The following ARL4C variants were observed in gnomAD, a reference collection of about 807,000 sequenced individuals.
The protein encoded by ARL4C is ADP-ribosylation factor-like protein 4C.
A neutral mutation model predicts 12.8 loss-of-function variants in ARL4C; 5 were observed. The observed-to-expected ratio is 0.39, with a 90% confidence interval of 0.20 to 0.82. The LOEUF is 0.82. ARL4C is among the 40% of genes least tolerant of loss of function. The probability of loss-of-function intolerance (pLI) is 0.39; values close to 1 mark genes in which losing one functional copy is unlikely to be tolerated. For synonymous variants in ARL4C, 119 were observed against 119.4 expected, an observed-to-expected ratio of 1.00 and a Z score of 0.02; for missense variants, 148 against 265.2, an observed-to-expected ratio of 0.56 and a Z score of 3.07.
rs886364388 is a variant in ARL4C, at chr2:234,494,162, G to A, written c.*1644C>T. The A allele has an allele frequency of 2.6e-5, 4 of 152,636 alleles. No homozygotes were observed. The highest frequency in any genetic ancestry group is 4.4e-5 in the Non-Finnish European group (3 of 68,036). 9.5% of individuals were successfully genotyped at this position (152,636 alleles called of 1,614,324 possible). A position where few individuals can be genotyped will look rare whatever the true frequency, so the allele number is the denominator to read the frequency against. On this transcript the variant is annotated 3_prime_UTR_variant, in exon 2 of 2. Transcript: ENST00000339728. Reference sequence around the variant, plus strand: ...CTACAGGCCTCCTTTGTAAAGAAATGTGTAACAATGGGGGGAAAGTCATAA... The same window carrying A: ...CTACAGGCCTCCTTTGTAAAGAAATATGTAACAATGGGGGGAAAGTCATAA...
chr2:234,493,313 G>T lies in ARL4C; in HGVS notation c.*2493C>A, dbSNP rs1371855389. 6.6e-6 allele frequency: 1 copy of T among 152,258 alleles called. No homozygotes were observed. Among genetic ancestry groups the T allele is most frequent in the Admixed American group, 6.5e-5 (1 of 15,288 alleles). 9.4% of individuals were successfully genotyped at this position (152,258 alleles called of 1,614,324 possible). On this transcript the variant is annotated 3_prime_UTR_variant, in exon 2 of 2. Transcript: ENST00000339728. ...ATGGGAAACCCATTCACTCGCCAAA[G>T]GGCAGAAGGCATCATAAATCACCCA...
chr2:234,494,319 G>A lies in ARL4C; in HGVS notation c.*1487C>T, dbSNP rs1691744673. 6.6e-6 allele frequency: 1 copy of A among 152,596 alleles called. No individual in the cohort carries two copies. The highest frequency in any genetic ancestry group is 2.1e-4 in the South Asian group (1 of 4,826). 9.5% of individuals were successfully genotyped at this position (152,596 alleles called of 1,614,324 possible). ...CCAAGACTCAGTCCTGATTATAAAG[G>A]ATTTTTAAAATTACATTATTAAAAA... On this transcript the variant is annotated 3_prime_UTR_variant, in exon 2 of 2. Transcript: ENST00000339728.
rs926242657 is a variant in ARL4C, at chr2:234,496,323, G to C, written c.264C>G (p.Gly88=). Residue 88 remains glycine (G), a synonymous_variant, in exon 1 of 2, where the codon GGC becomes GGG. Transcript: ENST00000339728. Reference sequence around the variant, plus strand: ...CCACCGAGTCCACCACGTAGATGATGCCGTCCGTGCAGCGGCTGTAGGACT... The same window carrying C: ...CCACCGAGTCCACCACGTAGATGATCCCGTCCGTGCAGCGGCTGTAGGACT... ...LWKSYSRCTD[G]IIYVVDSVDV... is the part of the protein sequence containing the mutation. 1.9e-6 allele frequency: 3 copies of C among 1,613,060 alleles called. No individual in the cohort carries two copies. The African/African-American group carries it at 4.0e-5, about 22-fold the overall frequency.
Position 234,495,174 on chromosome 2 carries a change from CTCTT to C in ARL4C, c.*628_*631del, listed in dbSNP as rs1008046562. On this transcript the variant is annotated 3_prime_UTR_variant, in exon 2 of 2. Transcript: ENST00000339728. Reference sequence around the variant, plus strand: ...TTTTATTTTTTTTATTTTTATTGGTCTCTTTGTGTGATAATGACCTACACATGGA... The same window carrying C: ...TTTTATTTTTTTTATTTTTATTGGTCTGTGTGATAATGACCTACACATGGA... The C allele has an allele frequency of 6.7e-6, 1 of 150,070 alleles. No individual in the cohort carries two copies. The highest frequency in any genetic ancestry group is 2.5e-5 in the African/African-American group (1 of 40,640). The allele number at this position is 150,070 out of a possible 1,614,324, so 9.3% of individuals were successfully genotyped here.
In ARL4C at chr2:234,495,695, C is replaced by A. The variant is rs918915911; in HGVS notation, c.*111G>T. ...GGGCTGGGAGGGCGGACAGCAGGACCGGCTCTTCCACTCCCCACCGCGGCC... is the reference window on the plus strand; with the variant it reads ...GGGCTGGGAGGGCGGACAGCAGGACAGGCTCTTCCACTCCCCACCGCGGCC... On this transcript the variant is annotated 3_prime_UTR_variant, in exon 2 of 2. Coordinates refer to ENST00000339728, the MANE Select transcript of ARL4C (RefSeq NM_001282431.2). The A allele has an allele frequency of 1.0e-5, 14 of 1,375,146 alleles. No individual in the cohort carries two copies. Among genetic ancestry groups the A allele is most frequent in the Admixed American group, 1.7e-5 (1 of 58,802 alleles). The allele number at this position is 1,375,146 out of a possible 1,614,324, so 85.2% of individuals were successfully genotyped here. A position where few individuals can be genotyped will look rare whatever the true frequency, so the allele number is the denominator to read the frequency against.
At position 234,496,485 on chromosome 2, in the gene ARL4C, C is replaced by T. The variant is rs1242923834; in HGVS notation, c.102G>A (p.Lys34=). Residue 34 remains lysine, a synonymous_variant, in exon 1 of 2, where the codon AAG becomes AAA. Coordinates refer to ENST00000339728, the MANE Select transcript of ARL4C (RefSeq NM_001282431.2). ...GCACCGTGTTCACGAACTCGTTGAA[C>T]TTGAGCCGGTAGAGCACCGTGGTCT... ...AGKTTVLYRL[K]FNEFVNTVPT... is the part of the protein sequence containing the mutation. The T allele has an allele frequency of 4.3e-6, 7 of 1,613,916 alleles. No homozygotes were observed. Among genetic ancestry groups the T allele is most frequent in the African/African-American group, 1.3e-5 (1 of 75,034 alleles).
In ARL4C at chr2:234,494,063, G is replaced by A. The variant is rs72975515; in HGVS notation, c.*1743C>T. The A allele has an allele frequency of 0.027, 4,109 of 152,438 alleles. 69 individuals carry two copies. Among genetic ancestry groups the A allele is most frequent in the Non-Finnish European group, 0.041 (2,795 of 68,010 alleles). The allele number at this position is 152,438 out of a possible 1,614,324, so 9.4% of individuals were successfully genotyped here. A position where few individuals can be genotyped will look rare whatever the true frequency, so the allele number is the denominator to read the frequency against. ...GCCTCTGGTTCTTAAATTAACATTC[G>A]GTGTGTAATGGACAATAGGCAGGGA... On this transcript the variant is annotated 3_prime_UTR_variant, in exon 2 of 2. Coordinates refer to ENST00000339728, the MANE Select transcript of ARL4C (RefSeq NM_001282431.2).
chr2:234,493,480 T>C lies in ARL4C; in HGVS notation c.*2326A>G, dbSNP rs1691733127. ...GAAATCAACTGAGACTCTTAACTAG[T>C]AGTTGATACACCACAGGGCTTTACT... On this transcript the variant is annotated 3_prime_UTR_variant, in exon 2 of 2. Transcript: ENST00000339728. 1 of 152,488 alleles carries C rather than the reference T, an allele frequency of 6.6e-6. No homozygotes were observed. Among genetic ancestry groups the C allele is most frequent in the Admixed American group, 6.5e-5 (1 of 15,282 alleles). 9.4% of individuals were successfully genotyped at this position (152,488 alleles called of 1,614,324 possible). A position where few individuals can be genotyped will look rare whatever the true frequency, so the allele number is the denominator to read the frequency against.
chr2:234,495,593 G>A lies in ARL4C; in HGVS notation c.*213C>T. The stretch of plus-strand genomic sequence containing the variant: ...CAGGTGCGATCCCCCAGTGGAGGCG[G>A]GGCAGCCTGAACTTCTGGCCCTGCA... On this transcript the variant is annotated 3_prime_UTR_variant, in exon 2 of 2. Transcript: ENST00000339728. 1.6e-6 allele frequency: 1 copy of A among 638,902 alleles called. No individual in the cohort carries two copies. The highest frequency in any genetic ancestry group is 2.7e-6 in the Non-Finnish European group (1 of 367,096). The allele number at this position is 638,902 out of a possible 1,614,324, so 39.6% of individuals were successfully genotyped here. A position where few individuals can be genotyped will look rare whatever the true frequency, so the allele number is the denominator to read the frequency against.
At position 234,495,943 on chromosome 2, in the gene ARL4C, A is replaced by T. The variant is rs949105807; in HGVS notation, c.575+69T>A. 3 of 1,608,432 alleles carry T rather than the reference A, an allele frequency of 1.9e-6. 1 individual carries two copies. ...GCTCATCCATCCATCCATCCATCCA[A>T]CCATCCATCCATCCATTCATTCTTT... On this transcript the variant is annotated intron_variant, in intron 1 of 1. Transcript: ENST00000339728.
rs1384722600 is a variant in ARL4C, at chr2:234,494,680, T to C, written c.*1126A>G. The stretch of plus-strand genomic sequence containing the variant: ...AAGACTTAAACCAGATAGGCCACAA[T>C]GAACCAAATTAGAAATCTGAACATG... On this transcript the variant is annotated 3_prime_UTR_variant, in exon 2 of 2. Transcript: ENST00000339728. 2.0e-5 allele frequency: 3 copies of C among 152,204 alleles called. No individual in the cohort carries two copies. The highest frequency in any genetic ancestry group is 1.9e-4 in the East Asian group (1 of 5,200). The allele number at this position is 152,204 out of a possible 1,614,324, so 9.4% of individuals were successfully genotyped here. A position where few individuals can be genotyped will look rare whatever the true frequency, so the allele number is the denominator to read the frequency against.
intron 1 of ARL4C, 65 bp from the exon 2 acceptor site, chr2:234,495,901 C>T (rs1574657022): frequency 1.2e-6 from 2 of 1,604,220 alleles, no homozygotes; most frequent in East Asian, 2.2e-5. Flanking sequence ...GCTCTTTGTT[C>T]GCGGGCGCGG....
Position 234,496,181 on chromosome 2 carries a change from G to T in ARL4C, c.406C>A (p.Pro136Thr). The T allele has an allele frequency of 6.2e-7, 1 of 1,610,816 alleles. No individual in the cohort carries two copies. The highest frequency in any genetic ancestry group is 1.7e-5 in the Admixed American group (1 of 59,634). ...AGCTGCTTCTCAATCTCTGCCACCG[G>T]CAGCGACTTGGGCAGGTCCTGCTTG... The part of the protein sequence containing the change: ...ANKQDLPKSL[P>T]VAEIEKQLAL... Residue 136 changes from proline (P) to threonine (T), a missense_variant, in exon 1 of 2, where the codon CCG becomes ACG. Physicochemically the swap from Pro to Thr is conservative, Grantham distance 38. Around this residue, in one of 4 missense-constraint regions of ARL4C, gnomAD observed 42 missense variants for 87.4 expected, o/e 0.48. Coordinates refer to ENST00000339728, the MANE Select transcript of ARL4C (RefSeq NM_001282431.2).
At position 234,496,146 on chromosome 2, in the gene ARL4C, G is replaced by C; in HGVS notation, c.441C>G (p.His147Gln). The C allele has an allele frequency of 1.2e-6, 2 of 1,613,590 alleles. No homozygotes were observed. The highest frequency in any genetic ancestry group is 8.5e-7 in the Non-Finnish European group (1 of 1,179,894). ...VAEIEKQLAL[H>Q]ELIPATTYHV... ...GATAGGTGGTGGCCGGGATAAGCTC[G>C]TGCAGCGCCAGCTGCTTCTCAATCT... Residue 147 changes from histidine (H) to glutamine (Q), a missense_variant, in exon 1 of 2, where the codon CAC (histidine) becomes CAG (glutamine). His to Gln is a conservative substitution (Grantham distance 24). Around this residue, in one of 4 missense-constraint regions of ARL4C, gnomAD observed 42 missense variants for 87.4 expected, o/e 0.48. Transcript: ENST00000339728.
In ARL4C at chr2:234,493,149, A is replaced by T. The variant is rs1490915745; in HGVS notation, c.*2657T>A. On this transcript the variant is annotated 3_prime_UTR_variant, in exon 2 of 2. Coordinates refer to ENST00000339728, the MANE Select transcript of ARL4C (RefSeq NM_001282431.2). ...GAGACAGAGAATTACAGCAGTAGAA[A>T]GGAAAACAGAAACCAGGGCACACAG... The T allele has an allele frequency of 1.3e-5, 2 of 152,704 alleles. No individual in the cohort carries two copies. The highest frequency in any genetic ancestry group is 4.8e-5 in the African/African-American group (2 of 41,480). 9.5% of individuals were successfully genotyped at this position (152,704 alleles called of 1,614,324 possible). A position where few individuals can be genotyped will look rare whatever the true frequency, so the allele number is the denominator to read the frequency against.
chr2:234,496,129 G>A lies in ARL4C; in HGVS notation c.458C>T (p.Thr153Ile). The change falls in exon 1 of 2, where the codon ACC (threonine) becomes ATC (isoleucine). Residue 153 changes from threonine to isoleucine, a missense_variant. By Grantham distance (89) the Thr-to-Ile change is moderately conservative. Transcript: ENST00000339728. The part of the protein sequence containing the change: ...QLALHELIPA[T>I]TYHVQPACAI... Reference sequence around the variant, plus strand: ...GCACGCCGGCTGGACGTGATAGGTGGTGGCCGGGATAAGCTCGTGCAGCGC... The same window carrying A: ...GCACGCCGGCTGGACGTGATAGGTGATGGCCGGGATAAGCTCGTGCAGCGC... 2 of 1,613,914 alleles carry A rather than the reference G, an allele frequency of 1.2e-6. No homozygotes were observed. The highest frequency in any genetic ancestry group is 1.7e-6 in the Non-Finnish European group (2 of 1,179,988).
At position 234,496,187 on chromosome 2, in the gene ARL4C, A is replaced by G; in HGVS notation, c.400T>C (p.Ser134Pro). Residue 134 changes from serine (S) to proline (P), a missense_variant, in exon 1 of 2, where the codon TCG becomes CCG. By Grantham distance (74) the Ser-to-Pro change is moderately conservative. This residue lies in a region of ARL4C where 42 missense variants were observed against 87.4 expected (regional missense o/e 0.48). Coordinates refer to ENST00000339728, the MANE Select transcript of ARL4C (RefSeq NM_001282431.2). ...TTCTCAATCTCTGCCACCGGCAGCG[A>G]CTTGGGCAGGTCCTGCTTGTTGGCG... is the stretch of plus-strand genomic sequence containing the variant. Reference protein sequence around the residue: ...VIANKQDLPKSLPVAEIEKQL... With the variant: ...VIANKQDLPKPLPVAEIEKQL... 1.2e-6 allele frequency: 2 copies of G among 1,609,234 alleles called. No homozygotes were observed. Among genetic ancestry groups the G allele is most frequent in the Non-Finnish European group, 1.7e-6 (2 of 1,177,812 alleles).
Position 234,496,657 on chromosome 2 carries a change from C to G in ARL4C, c.-71G>C, listed in dbSNP as rs1306460939. 5 of 1,085,706 alleles carry G rather than the reference C, an allele frequency of 4.6e-6. No individual in the cohort carries two copies. In the South Asian group the frequency reaches 1.2e-4, roughly 25 times the overall value. The allele number at this position is 1,085,706 out of a possible 1,614,324, so 67.3% of individuals were successfully genotyped here. ...GCCGCCCCCCGAGCAGTCACGGGCCCGACGCGGCCGGGCGCACCTGGGCCC... is the reference window on the plus strand; with the variant it reads ...GCCGCCCCCCGAGCAGTCACGGGCCGGACGCGGCCGGGCGCACCTGGGCCC... On this transcript the variant is annotated 5_prime_UTR_variant, in exon 1 of 2. Coordinates refer to ENST00000339728, the MANE Select transcript of ARL4C (RefSeq NM_001282431.2).
At position 234,494,936 on chromosome 2, in the gene ARL4C, T is replaced by A. The variant is rs1482383130; in HGVS notation, c.*870A>T. On this transcript the variant is annotated 3_prime_UTR_variant, in exon 2 of 2. Transcript: ENST00000339728. The stretch of plus-strand genomic sequence containing the variant: ...TGGTGTGCTCATCCAAACCAATCAG[T>A]AGGCTAAGAGAATTTAAAATTCCAT... 1 of 152,222 alleles carries A rather than the reference T, an allele frequency of 6.6e-6. No individual in the cohort carries two copies. The highest frequency in any genetic ancestry group is 1.5e-5 in the Non-Finnish European group (1 of 67,974). The allele number at this position is 152,222 out of a possible 1,614,324, so 9.4% of individuals were successfully genotyped here.
Sources: allele counts gnomAD v4.1 joint callset, GRCh38; gene constraint gnomAD v4.1.1; regional missense constraint gnomAD v4.1.1; transcripts MANE v1.5; gene names NCBI Gene and HGNC (gene_info 2026-07-23, HGNC 2026-07-21).